Variants in RPS6KC1 observed in about 807,000 individuals in gnomAD.
RPS6KC1 encodes ribosomal protein S6 kinase C1.
RPS6KC1 carries 54 observed loss-of-function variants against 103.8 expected under a neutral mutation model. The ratio of observed to expected loss-of-function variants is 0.52; its 90% CI spans 0.42 to 0.65. The LOEUF (loss-of-function observed/expected upper bound fraction) is 0.65. Among genes scored for constraint, RPS6KC1 ranks in the 30% least tolerant of loss-of-function variants. The pLI is 0.00. For missense variants in RPS6KC1, 1,151 were observed against 1,253.8 expected, an observed-to-expected ratio of 0.92 and a Z score of 1.24; for synonymous variants, 439 against 438.7, an observed-to-expected ratio of 1.00 and a Z score of -0.01.
At chr1:213,741,165 G>A in the RPS6KC1 span, among the ~76,000 whole-genome samples, 7 of 151,188 alleles carry the variant, frequency 4.6e-5, no homozygotes, top group Non-Finnish European at 7.4e-5. Context: ...GTACTACGTG[G>A]TGTTTTGCTA....
At chr1:213,286,065 A>G in the RPS6KC1 span, among the ~76,000 whole-genome samples, 1 of 152,252 alleles carries the variant, frequency 6.6e-6, no homozygotes, top group Non-Finnish European at 1.5e-5. Flanking sequence ...TAATTCTGCC[A>G]TGTCTTCTGC....
At chr1:213,466,014 G>C in the RPS6KC1 span, among the ~76,000 whole-genome samples, 1 of 152,044 alleles carries the variant, frequency 6.6e-6, no homozygotes, top group Non-Finnish European at 1.5e-5. Context: ...CAGGCTTTGG[G>C]GGGCAGAATG....
At chr1:213,767,626 T>C in the RPS6KC1 span, among the ~76,000 whole-genome samples, 1 of 152,146 alleles carries the variant, frequency 6.6e-6, no homozygotes, top group Non-Finnish European at 1.5e-5. Flanking sequence ...AAGGGCCCTG[T>C]TCTAAGGGAG....
At chr1:213,114,749 G>A (rs2083400783) in intron 4 of RPS6KC1, among the ~76,000 whole-genome samples, 1 of 152,126 alleles carries the variant, frequency 6.6e-6, no homozygotes, top group Non-Finnish European at 1.5e-5. Flanking sequence ...CTAATTGAGA[G>A]TTTTTAGCAC....
chr1:213,287,602 C>T, the RPS6KC1 span, among the ~76,000 whole-genome samples: 1 of 152,072 alleles, frequency 6.6e-6, no homozygotes. Flanking sequence ...TTTTTGCAAG[C>T]ACCGTTTTGT....
At chr1:213,307,635 C>A in the RPS6KC1 span, among the ~76,000 whole-genome samples, 2 of 152,192 alleles carry the variant, frequency 1.3e-5, no homozygotes, top group African/African-American at 4.8e-5. Context: ...CATCCCAGGA[C>A]AGGAGCAGGA....
intron 6 of RPS6KC1, among the ~76,000 whole-genome samples, chr1:213,136,895 G>A (rs1040688231): frequency 6.6e-6 from 1 of 152,154 alleles, no homozygotes; most frequent in Non-Finnish European, 1.5e-5. Flanking sequence ...AAGGAGTCTT[G>A]CTATGTTGCC....
chr1:213,091,254 G>C (rs2080936466), intron 3 of RPS6KC1, among the ~76,000 whole-genome samples: 1 of 152,052 alleles, frequency 6.6e-6, no homozygotes, highest in African/African-American at 2.4e-5. Flanking sequence ...TAGAGACGGA[G>C]TTTCACCATG....
the RPS6KC1 span, among the ~76,000 whole-genome samples, chr1:213,650,566 G>A: frequency 1.3e-5 from 2 of 152,126 alleles, no homozygotes; most frequent in Non-Finnish European, 2.9e-5. Flanking sequence ...GTCCGCATCC[G>A]GGCCCCCTCT....
At chr1:213,098,965 A>G (rs1572513857) in intron 3 of RPS6KC1, among the ~76,000 whole-genome samples, 1 of 152,328 alleles carries the variant, frequency 6.6e-6, no homozygotes, top group African/African-American at 2.4e-5. Flanking sequence ...TTCTATGTCT[A>G]TAATTTTTCT....
the RPS6KC1 span, among the ~76,000 whole-genome samples, chr1:213,306,141 A>G: frequency 2.0e-5 from 3 of 152,176 alleles, no homozygotes; most frequent in Non-Finnish European, 4.4e-5. Context: ...ATGATTTTTG[A>G]GATTACCATA....
At chr1:213,221,689 A>T (rs750845160) in intron 8 of RPS6KC1, among the ~76,000 whole-genome samples, 1 of 152,168 alleles carries the variant, frequency 6.6e-6, no homozygotes, top group Non-Finnish European at 1.5e-5. Context: ...TTTATTTACC[A>T]GTTTAGTCTT....
chr1:213,322,207 G>C, the RPS6KC1 span, among the ~76,000 whole-genome samples: 1 of 152,216 alleles, frequency 6.6e-6, no homozygotes, highest in Non-Finnish European at 1.5e-5. Context: ...TTAGGAGGCC[G>C]AGGCAGGAGA....
chr1:213,523,620 ATTG>A, the RPS6KC1 span, among the ~76,000 whole-genome samples: 2 of 152,058 alleles, frequency 1.3e-5, no homozygotes, highest in African/African-American at 2.4e-5. Flanking sequence ...TAATTTTGTT[ATTG>A]TTGTTGTCAT....
At chr1:213,810,237 A>T in the RPS6KC1 span, among the ~76,000 whole-genome samples, 1 of 152,206 alleles carries the variant, frequency 6.6e-6, no homozygotes, top group Non-Finnish European at 1.5e-5. Flanking sequence ...GAACCAGCAA[A>T]GTAATGCTGG....
the RPS6KC1 span, among the ~76,000 whole-genome samples, chr1:213,676,857 C>T: frequency 6.6e-6 from 1 of 152,262 alleles, no homozygotes; most frequent in Non-Finnish European, 1.5e-5. Context: ...GTTGATTCTT[C>T]TGCTGATACA....
At chr1:213,406,108 G>T in the RPS6KC1 span, among the ~76,000 whole-genome samples, 1 of 152,212 alleles carries the variant, frequency 6.6e-6, no homozygotes, top group Admixed American at 6.5e-5. Context: ...GACGCAGATG[G>T]AGGGGCCAGT....
At chr1:213,312,725 A>C in the RPS6KC1 span, among the ~76,000 whole-genome samples, 1 of 152,194 alleles carries the variant, frequency 6.6e-6, no homozygotes, top group Non-Finnish European at 1.5e-5. Flanking sequence ...CAATATGAGG[A>C]CAGGGTAATG....
the RPS6KC1 span, among the ~76,000 whole-genome samples, chr1:213,770,244 A>C: frequency 6.6e-6 from 1 of 152,176 alleles, no homozygotes; most frequent in African/African-American, 2.4e-5. Flanking sequence ...ACTGGGACTC[A>C]AGCTTGGGAC....
Sources: gnomAD v4.1 joint callset for allele counts (sites outside exome capture counted in the v4.1 genomes callset) on GRCh38, gnomAD v4.1.1 for gene constraint, MANE v1.5 for transcripts, NCBI Gene and HGNC (gene_info 2026-07-23, HGNC 2026-07-21) for gene names.